Variants in ZNF420 observed in about 807,000 individuals in gnomAD.
ZNF420 encodes the protein zinc finger protein 420.
ZNF420 carries 31 observed loss-of-function variants against 44.7 expected under a neutral mutation model. The observed-to-expected ratio is 0.69, with a 90% CI of 0.52 to 0.94. The LOEUF (loss-of-function observed/expected upper bound fraction) is 0.94. Among genes scored for constraint, ZNF420 ranks in the 40% least tolerant of loss-of-function variants. The probability of loss-of-function intolerance (pLI) is 0.00; values close to 1 mark genes in which losing one functional copy is unlikely to be tolerated. For missense variants in ZNF420, 681 were observed against 827.9 expected (o/e 0.82, Z 2.18); for synonymous variants, 245 against 267.4 (o/e 0.92, Z 0.82).
At chr19:37,036,532 C>T (rs1967357943) in intron 1 of ZNF420, among the ~76,000 whole-genome samples, 1 of 152,210 alleles carries the variant, frequency 6.6e-6, no homozygotes, top group Non-Finnish European at 1.5e-5. Context: ...CAGCCCTCCA[C>T]CCCTTCAGGT....
At chr19:37,083,926 T>G (rs968913899) in intron 2 of ZNF420, among the ~76,000 whole-genome samples, 2 of 152,204 alleles carry the variant, frequency 1.3e-5, no homozygotes, top group Non-Finnish European at 2.9e-5. Context: ...GAGTGTATAC[T>G]GATATTTCCA....
intron 4 of ZNF420, chr19:37,111,635 A>G (rs1377688266): frequency 1.3e-5 from 2 of 152,190 alleles, no homozygotes; most frequent in African/African-American, 4.8e-5. Flanking sequence ...AACAGTCTGA[A>G]AACTTATCTC....
At chr19:37,082,197 C>T (rs1022173461) in intron 2 of ZNF420, among the ~76,000 whole-genome samples, 8 of 152,048 alleles carry the variant, frequency 5.3e-5, no homozygotes, top group African/African-American at 1.9e-4. Flanking sequence ...GAGTCTCACT[C>T]TGTCACCCAG....
At chr19:37,095,700 G>A (rs1163092417) in intron 4 of ZNF420, among the ~76,000 whole-genome samples, 1 of 152,076 alleles carries the variant, frequency 6.6e-6, no homozygotes, top group Non-Finnish European at 1.5e-5. Flanking sequence ...CCAGGTTCAA[G>A]CGATTCTCCT....
intron 1 of ZNF420, among the ~76,000 whole-genome samples, chr19:37,067,829 T>C (rs1337020078): frequency 6.6e-6 from 1 of 152,174 alleles, no homozygotes; most frequent in Non-Finnish European, 1.5e-5. Flanking sequence ...TGTGTGTACA[T>C]TATTTTGGTG....
intron 1 of ZNF420, among the ~76,000 whole-genome samples, chr19:37,022,613 A>G (rs1174190370): frequency 2.0e-5 from 3 of 152,256 alleles, no homozygotes; most frequent in Non-Finnish European, 4.4e-5. Flanking sequence ...GAAAAAAATT[A>G]ACAAAAAATA....
intron 1 of ZNF420, among the ~76,000 whole-genome samples, chr19:37,013,492 G>C (rs1489366795): frequency 6.6e-6 from 1 of 152,142 alleles, no homozygotes; most frequent in African/African-American, 2.4e-5. Context: ...TGGATGCCCG[G>C]ATTTGAGGAG....
chr19:37,121,832 G>T (rs1313369858), intron 4 of ZNF420, among the ~76,000 whole-genome samples: 2 of 152,030 alleles, frequency 1.3e-5, no homozygotes, highest in Non-Finnish European at 2.9e-5. Context: ...CTTCTCAAAA[G>T]AAGACATTTA....
Position 37,033,117 on chromosome 19 carries a change from T to TA in ZNF420, c.-125+25039dup, listed in dbSNP as rs1347808178. On this transcript the variant is annotated intron_variant, in intron 1 of 4. Coordinates refer to the ZNF420 transcript ENST00000587029. ...GGAGACTTCATTTTAGCTGTAATTT[T>TA]AAAATAGATTTGGTTACTTTTAATT... 3.3e-5 allele frequency among the ~76,000 whole-genome samples: 5 copies of TA among 152,232 alleles called. No homozygotes were observed. The South Asian group carries it at 8.3e-4, about 25-fold the overall frequency.
chr19:37,073,363 T>C (rs1326749695), intron 1 of ZNF420, among the ~76,000 whole-genome samples: 1 of 152,194 alleles, frequency 6.6e-6, no homozygotes, highest in African/African-American at 2.4e-5. Flanking sequence ...AGAATATACA[T>C]TGAAAAGATC....
intron 4 of ZNF420, among the ~76,000 whole-genome samples, chr19:37,126,311 A>G (rs781596325): frequency 8.5e-5 from 13 of 152,290 alleles, no homozygotes; most frequent in Non-Finnish European, 1.3e-4. Flanking sequence ...AAGAAATGGA[A>G]TAGGCTCTGG....
chr19:37,018,248 T>C (rs1257141725), intron 1 of ZNF420, among the ~76,000 whole-genome samples: 1 of 152,272 alleles, frequency 6.6e-6, no homozygotes, highest in Non-Finnish European at 1.5e-5. Flanking sequence ...AGATTTCATG[T>C]AATCCTTCTG....
At chr19:37,095,701 C>T (rs930370606) in intron 4 of ZNF420, among the ~76,000 whole-genome samples, 12 of 152,028 alleles carry the variant, frequency 7.9e-5, no homozygotes, top group African/African-American at 1.4e-4. Context: ...CAGGTTCAAG[C>T]GATTCTCCTA....
chr19:37,008,219 G>A (rs1360230646), intron 1 of ZNF420: 3 of 279,492 alleles, frequency 1.1e-5, no homozygotes, highest in Non-Finnish European at 2.0e-5. Flanking sequence ...TGGGGCGGGC[G>A]GGGGGGGATG....
chr19:37,116,071 A>G (rs1458582628), intron 4 of ZNF420, among the ~76,000 whole-genome samples: 1 of 152,138 alleles, frequency 6.6e-6, no homozygotes, highest in Non-Finnish European at 1.5e-5. Flanking sequence ...AGGCAGAGGA[A>G]TTTTTCTTAG....
chr19:37,034,913 G>A (rs1967325245), intron 1 of ZNF420, among the ~76,000 whole-genome samples: 2 of 152,188 alleles, frequency 1.3e-5, no homozygotes, highest in South Asian at 4.1e-4. Context: ...GCCTTGTTCA[G>A]AAGATTGCCT....
At chr19:37,060,555 G>A (rs1331347130) in intron 1 of ZNF420, among the ~76,000 whole-genome samples, 2 of 152,002 alleles carry the variant, frequency 1.3e-5, no homozygotes, top group African/African-American at 2.4e-5. Flanking sequence ...CAGTCCATCA[G>A]GGAGAAACTT....
chr19:37,046,830 CAG>C (rs1967550541), intron 1 of ZNF420, among the ~76,000 whole-genome samples: 1 of 151,796 alleles, frequency 6.6e-6, no homozygotes, highest in Admixed American at 6.6e-5. Context: ...ATTTGAAAAA[CAG>C]AAAAGCAAAA....
In ZNF420 at chr19:37,130,238, G is replaced by A; in HGVS notation, c.*1180G>A. 2 of 1,529,358 alleles carry A rather than the reference G, an allele frequency of 1.3e-6. No individual in the cohort carries two copies. Among genetic ancestry groups the A allele is most frequent in the Non-Finnish European group, 1.8e-6 (2 of 1,137,784 alleles). 94.7% of individuals were successfully genotyped at this position (1,529,358 alleles called of 1,614,324 possible). A position where few individuals can be genotyped will look rare whatever the true frequency, so the allele number is the denominator to read the frequency against. ...TACAGAAGGAGTCTGCAACCCTGAT[G>A]ACTTTGTGGAACAGCCATACTAGCT... On this transcript the variant is annotated 3_prime_UTR_variant, in exon 5 of 5. Coordinates refer to ENST00000337995, the MANE Select transcript of ZNF420 (RefSeq NM_144689.5).
Sources: gnomAD v4.1 joint callset for allele counts (sites outside exome capture counted in the v4.1 genomes callset) on GRCh38, gnomAD v4.1.1 for gene constraint, MANE v1.5 for transcripts, NCBI Gene and HGNC (gene_info 2026-07-23, HGNC 2026-07-21) for gene names.